Variants in DLC1 observed in about 807,000 individuals in gnomAD.
DLC1 encodes the protein rho GTPase-activating protein 7.
In DLC1, 54 loss-of-function variants were observed where a neutral mutation model predicts 140.3. The ratio of observed to expected loss-of-function variants is 0.38; its 90% confidence interval spans 0.31 to 0.48. DLC1 has a LOEUF of 0.48. DLC1 is among the 20% of genes least tolerant of loss of function. DLC1 has a pLI of 0.96. For synonymous variants in DLC1, 986 were observed against 728.1 expected, an observed-to-expected ratio of 1.35 and a Z score of -5.70; for missense variants, 2,536 against 1,907.0, an observed-to-expected ratio of 1.33 and a Z score of -6.14.
chr8:13,310,541 A>G (rs907949266), intron 4 of DLC1, among the ~76,000 whole-genome samples: 5 of 152,128 alleles, frequency 3.3e-5, no homozygotes, highest in African/African-American at 1.2e-4. Flanking sequence ...GCACATGGGC[A>G]ACAGGAAGCG....
chr8:13,372,918 G>A (rs572956526), intron 4 of DLC1, among the ~76,000 whole-genome samples: 1 of 152,268 alleles, frequency 6.6e-6, no homozygotes, highest in East Asian at 1.9e-4. Context: ...CAAACACCAT[G>A]CCCAGCATCC....
At chr8:13,344,493 CA>C (rs1563269127) in intron 4 of DLC1, among the ~76,000 whole-genome samples, 1 of 152,002 alleles carries the variant, frequency 6.6e-6, no homozygotes, top group African/African-American at 2.4e-5. Context: ...AACTCCATCT[CA>C]AAAAAACAAA....
chr8:13,153,122 G>A (rs1402126650), intron 5 of DLC1, among the ~76,000 whole-genome samples: 2 of 152,164 alleles, frequency 1.3e-5, no homozygotes, highest in African/African-American at 4.8e-5. Flanking sequence ...ACGAAGCCGC[G>A]GACCCGCGCA....
At chr8:13,402,639 T>TGATGTCA (rs1229509078) in intron 2 of DLC1, among the ~76,000 whole-genome samples, 1 of 152,220 alleles carries the variant, frequency 6.6e-6, no homozygotes, top group African/African-American at 2.4e-5. Flanking sequence ...CACCAGTGGC[T>TGATGTCA]GATGTCAGTG....
intron 5 of DLC1, among the ~76,000 whole-genome samples, chr8:13,180,668 T>A (rs1380164133): frequency 6.6e-6 from 1 of 152,044 alleles, no homozygotes. Flanking sequence ...GAACACCCAC[T>A]TCAACTTCTT....
At chr8:13,133,204 C>A in intron 5 of DLC1, 1 of 1,421,974 alleles carries the variant, frequency 7.0e-7, no homozygotes, top group Non-Finnish European at 9.1e-7. Flanking sequence ...GCGAGAAGTC[C>A]GTGAGCCGGC....
At chr8:13,259,922 C>T (rs1375731105) in intron 5 of DLC1, among the ~76,000 whole-genome samples, 1 of 151,696 alleles carries the variant, frequency 6.6e-6, no homozygotes, top group Admixed American at 6.6e-5. Context: ...TCAGTAAGTG[C>T]TATAAGACTT....
At chr8:13,115,547 G>A (rs1478680533) in intron 6 of DLC1, 39 bp downstream of exon 6, 4 of 1,578,526 alleles carry the variant, frequency 2.5e-6, no homozygotes, top group Admixed American at 1.7e-5. Context: ...AAGGGATTAT[G>A]ATTATGCCAA....
At chr8:13,425,207 T>C (rs1164007718) in intron 2 of DLC1, among the ~76,000 whole-genome samples, 1 of 152,132 alleles carries the variant, frequency 6.6e-6, no homozygotes, top group African/African-American at 2.4e-5. Context: ...CCACAAACTC[T>C]TCGGCTCCTC....
chr8:13,237,575 G>A (rs1829346083), intron 5 of DLC1, among the ~76,000 whole-genome samples: 1 of 151,992 alleles, frequency 6.6e-6, no homozygotes, highest in Admixed American at 6.6e-5. Context: ...GCAATGTACA[G>A]TGTACCCACT....
chr8:13,523,015 T>A (rs531437799), intron 1 of DLC1, among the ~76,000 whole-genome samples: 2 of 152,296 alleles, frequency 1.3e-5, no homozygotes, highest in Admixed American at 1.3e-4. Flanking sequence ...TATCTCAAGT[T>A]GTTAAGGAAA....
At chr8:13,400,355 C>A (rs1164320878) in intron 3 of DLC1, among the ~76,000 whole-genome samples, 1 of 152,140 alleles carries the variant, frequency 6.6e-6, no homozygotes, top group Non-Finnish European at 1.5e-5. Flanking sequence ...ATAACATCTC[C>A]ATTTTTCACA....
intron 2 of DLC1, among the ~76,000 whole-genome samples, chr8:13,403,924 G>GCTGGGATTAC (rs1837413352): frequency 6.7e-6 from 1 of 149,684 alleles, no homozygotes; most frequent in Non-Finnish European, 1.5e-5. Context: ...TTCCCAAAGT[G>GCTGGGATTAC]CTGGGATTAC....
At position 13,312,386 on chromosome 8, in the gene DLC1, A is replaced by AAAAAAAAAAAAAAAAAAAT. The variant is rs71207139; in HGVS notation, c.1315-7085_1315-7084insATTTTTTTTTTTTTTTTTT. Among the ~76,000 whole-genome samples, 37 of 81,700 alleles carry AAAAAAAAAAAAAAAAAAAT rather than the reference A, an allele frequency of 4.5e-4. 1 individual carries two copies. The highest frequency in any genetic ancestry group is 1.4e-3 in the South Asian group (3 of 2,200). The allele number at this position is 81,700 out of a possible 152,430, so 53.6% of individuals were successfully genotyped here. ...AAAAAAAAAAAAAAAAAAAAAAAAA[A>AAAAAAAAAAAAAAAAAAAT]AATAATTTCTTTAGCAAGCTAGATA... is the stretch of plus-strand genomic sequence containing the variant. On this transcript the variant is annotated intron_variant, in intron 4 of 17. Coordinates refer to ENST00000276297, the MANE Select transcript of DLC1 (RefSeq NM_182643.3).
chr8:13,312,851 T>C (rs187951359), intron 4 of DLC1, among the ~76,000 whole-genome samples: 22 of 152,280 alleles, frequency 1.4e-4, no homozygotes, highest in Admixed American at 2.6e-4. Flanking sequence ...AAGTTCACAA[T>C]TAAGGAGTAA....
chr8:13,250,778 A>C (rs141758935), intron 5 of DLC1, among the ~76,000 whole-genome samples: 1 of 152,054 alleles, frequency 6.6e-6, no homozygotes, highest in Non-Finnish European at 1.5e-5. Context: ...GAGAGAGAGA[A>C]AGAAAAAATA....
intron 5 of DLC1, among the ~76,000 whole-genome samples, chr8:13,160,580 C>G (rs1359935007): frequency 1.3e-5 from 2 of 152,222 alleles, no homozygotes; most frequent in Admixed American, 6.5e-5. Flanking sequence ...TCCTTACTTT[C>G]TTCCTCTTTT....
upstream of DLC1, among the ~76,000 whole-genome samples, chr8:13,519,851 A>G (rs1802710065): frequency 6.6e-6 from 1 of 152,258 alleles, no homozygotes; most frequent in Admixed American, 6.5e-5. Flanking sequence ...ACGTTTATGT[A>G]GCAACAGACA....
At chr8:13,125,980 A>G (rs1040179155) in intron 5 of DLC1, among the ~76,000 whole-genome samples, 6 of 152,038 alleles carry the variant, frequency 3.9e-5, no homozygotes, top group Middle Eastern at 3.2e-3. Flanking sequence ...ATTTAAACCA[A>G]TTGAAATCCT....
Sources: gnomAD v4.1 joint callset for allele counts (sites outside exome capture counted in the v4.1 genomes callset) on GRCh38, gnomAD v4.1.1 for gene constraint, MANE v1.5 for transcripts, NCBI Gene and HGNC (gene_info 2026-07-23, HGNC 2026-07-21) for gene names.